Variants in ADGRV1 observed in about 807,000 individuals in gnomAD.
ADGRV1 encodes the protein G-protein coupled receptor 98.
A neutral mutation model predicts 596.2 loss-of-function variants in ADGRV1; 359 were observed. The observed-to-expected ratio is 0.60, with a 90% CI of 0.55 to 0.66. The LOEUF (loss-of-function observed/expected upper bound fraction) is 0.66, where lower values mean the gene tolerates loss of function less well. Ranked by LOEUF, ADGRV1 falls within the 30% of genes least tolerant of loss-of-function variation. The pLI is 0.00. For missense variants in ADGRV1, 7,274 were observed against 7,575.6 expected, an observed-to-expected ratio of 0.96 and a Z score of 1.48; for synonymous variants, 2,681 against 2,679.2, an observed-to-expected ratio of 1.00 and a Z score of -0.02.
chr5:90,815,800 A>G (rs1229960848), intron 75 of ADGRV1, 64 bp downstream of exon 75: 3 of 954,412 alleles, frequency 3.1e-6, no homozygotes, highest in Non-Finnish European at 4.9e-6. Flanking sequence ...TGTAATTTCA[A>G]TTCATACAAT....
intron 83 of ADGRV1, among the ~76,000 whole-genome samples, chr5:90,912,384 T>A (rs1215107028): frequency 6.6e-6 from 1 of 152,150 alleles, no homozygotes; most frequent in Non-Finnish European, 1.5e-5. Flanking sequence ...AAAAATAATT[T>A]CAACTTTTAT....
chr5:90,977,320 T>C (rs1167266578), intron 84 of ADGRV1, among the ~76,000 whole-genome samples: 14 of 152,196 alleles, frequency 9.2e-5, no homozygotes, highest in Admixed American at 9.2e-4. Flanking sequence ...CTGAAATGAA[T>C]GATTAAGGGC....
chr5:90,923,035 G>T (rs866408544), intron 83 of ADGRV1, among the ~76,000 whole-genome samples: 1 of 152,004 alleles, frequency 6.6e-6, no homozygotes, highest in African/African-American at 2.4e-5. Context: ...AAGAAGTTAT[G>T]CTTAGAATTT....
At position 90,783,179 on chromosome 5, in the gene ADGRV1, T is replaced by C. The variant is rs372799791; in HGVS notation, c.13287T>C (p.Tyr4429=). The change falls in exon 66 of 90, where the codon TAT becomes TAC. Residue 4429 remains tyrosine (Y), a synonymous_variant. Transcript: ENST00000405460. ...MIPVVRLHGT[Y]GYVTADFISQ... The stretch of plus-strand genomic sequence containing the variant: ...CAGTGGTGAGGCTACATGGAACTTA[T>C]GGCTATGTGACAGCTGATTTCATCT... 2.1e-4 allele frequency: 342 copies of C among 1,613,678 alleles called. 4 individuals carry two copies. In the South Asian group the frequency reaches 2.2e-3, roughly 10 times the overall value.
chr5:90,624,470 C>T (rs1266513902), intron 5 of ADGRV1, among the ~76,000 whole-genome samples: 1 of 152,080 alleles, frequency 6.6e-6, no homozygotes, highest in African/African-American at 2.4e-5. Flanking sequence ...TTTTGGAGTG[C>T]TTAATATTGC....
chr5:90,661,098 C>T (rs1770219417), intron 21 of ADGRV1, among the ~76,000 whole-genome samples: 1 of 152,104 alleles, frequency 6.6e-6, no homozygotes, highest in Non-Finnish European at 1.5e-5. Flanking sequence ...AGATCTATAG[C>T]CTAGTAACCA....
At chr5:90,885,885 G>A (rs1770234091) in intron 83 of ADGRV1, among the ~76,000 whole-genome samples, 1 of 151,924 alleles carries the variant, frequency 6.6e-6, no homozygotes, top group African/African-American at 2.4e-5. Context: ...AGGGAGAGAG[G>A]GAGGGAGGAA....
chr5:90,663,871 T>A (rs1213097079), intron 21 of ADGRV1, among the ~76,000 whole-genome samples: 2 of 152,006 alleles, frequency 1.3e-5, no homozygotes, highest in Non-Finnish European at 2.9e-5. Flanking sequence ...AAATAGGGAA[T>A]CCTTTCCCCA....
intron 85 of ADGRV1, among the ~76,000 whole-genome samples, chr5:91,064,970 T>C (rs1235026579): frequency 1.3e-5 from 2 of 152,154 alleles, no homozygotes; most frequent in Non-Finnish European, 2.9e-5. Context: ...GTAAATTGAG[T>C]ATACAAGGAA....
chr5:91,127,620 A>G lies in ADGRV1; in HGVS notation c.18433-22410A>G, dbSNP rs569368290. Among the ~76,000 whole-genome samples, 7 of 152,280 alleles carry G rather than the reference A, an allele frequency of 4.6e-5. No homozygotes were observed. In the East Asian group the frequency reaches 9.6e-4, roughly 21 times the overall value. On this transcript the variant is annotated intron_variant, in intron 87 of 89. Transcript: ENST00000405460. ...CTTAAAGACTTTATGTCTTAGAGACATATTTCTTCAGCTGGATAAACAGTC... is the reference window on the plus strand; with the variant it reads ...CTTAAAGACTTTATGTCTTAGAGACGTATTTCTTCAGCTGGATAAACAGTC...
At chr5:90,690,099 C>G (rs776510421) in intron 30 of ADGRV1, 23 bp downstream of exon 30, 1 of 1,301,758 alleles carries the variant, frequency 7.7e-7, no homozygotes, top group South Asian at 1.3e-5. Context: ...ATTTATGTCT[C>G]TCTTTGACTT....
intron 66 of ADGRV1, among the ~76,000 whole-genome samples, 152 bp downstream of exon 66, chr5:90,783,477 A>G (rs936496391): frequency 4.6e-5 from 7 of 152,120 alleles, no homozygotes; most frequent in African/African-American, 1.7e-4. Flanking sequence ...AGGGGTAGGG[A>G]AAGAGGGGCT....
intron 89 of ADGRV1, among the ~76,000 whole-genome samples, chr5:91,161,576 A>C (rs957410279): frequency 2.1e-4 from 31 of 146,648 alleles, no homozygotes; most frequent in Admixed American, 1.1e-3. Context: ...ATTAATTGGT[A>C]AATTTTAGCA....
chr5:91,052,440 T>C (rs1380999280), intron 85 of ADGRV1, among the ~76,000 whole-genome samples: 3 of 151,786 alleles, frequency 2.0e-5, no homozygotes, highest in Non-Finnish European at 2.9e-5. Flanking sequence ...ATATTTCTTT[T>C]TTTTTTTTTT....
chr5:90,673,483 G>GACTGCTATA (rs1479098425), intron 22 of ADGRV1, among the ~76,000 whole-genome samples: 2 of 152,140 alleles, frequency 1.3e-5, no homozygotes, highest in African/African-American at 4.8e-5. Flanking sequence ...AGTCTGTTGG[G>GACTGCTATA]ACTGCTATAA....
At chr5:90,691,134 T>A in intron 31 of ADGRV1, 93 bp downstream of exon 31, 1 of 1,436,820 alleles carries the variant, frequency 7.0e-7, no homozygotes, top group Non-Finnish European at 9.8e-7. Context: ...TTGGAGAGGA[T>A]GTCAAATAAA....
At chr5:91,143,759 G>T (rs1202888535) in intron 87 of ADGRV1, among the ~76,000 whole-genome samples, 1 of 152,170 alleles carries the variant, frequency 6.6e-6, no homozygotes, top group Non-Finnish European at 1.5e-5. Flanking sequence ...GCCTCAACAG[G>T]GGCCTTCCCC....
Position 91,045,678 on chromosome 5 carries a change from A to G in ADGRV1, c.18153-26769A>G, listed in dbSNP as rs372900568. 2.6e-5 allele frequency among the ~76,000 whole-genome samples: 4 copies of G among 152,152 alleles called. No homozygotes were observed. In the South Asian group the frequency reaches 6.2e-4, roughly 24 times the overall value. ...AGTACTGGAAGTCCTAGCCAGAGCA[A>G]TCAGACAAGAGAAAGAAATAAGGGC... On this transcript the variant is annotated intron_variant, in intron 85 of 89. Transcript: ENST00000405460.
chr5:90,638,971 A>G (rs1766610430), intron 11 of ADGRV1, among the ~76,000 whole-genome samples: 1 of 152,054 alleles, frequency 6.6e-6, no homozygotes, highest in African/African-American at 2.4e-5. Flanking sequence ...GCTTTCTTTC[A>G]AAACCACGTT....
Sources: gnomAD v4.1 joint callset for allele counts (sites outside exome capture counted in the v4.1 genomes callset) on GRCh38, gnomAD v4.1.1 for gene constraint, MANE v1.5 for transcripts, NCBI Gene and HGNC (gene_info 2026-07-23, HGNC 2026-07-21) for gene names.